The following MATR3 variants were observed in gnomAD, a reference collection of about 807,000 sequenced individuals.
The protein encoded by MATR3 is matrin 3.
A neutral mutation model predicts 85.5 loss-of-function variants in MATR3; 4 were observed. The observed-to-expected ratio is 0.05, with a 90% CI of 0.02 to 0.11. The LOEUF (loss-of-function observed/expected upper bound fraction) is 0.11. MATR3 is among the 10% of genes least tolerant of loss of function. MATR3 has a pLI of 1.00. For synonymous variants in MATR3, 336 were observed against 343.1 expected, an observed-to-expected ratio of 0.98 and a Z score of 0.23; for missense variants, 685 against 1,016.1, an observed-to-expected ratio of 0.67 and a Z score of 4.43.
chr5:139,275,652 C>T (rs1002220923), intron 1 of MATR3, among the ~76,000 whole-genome samples: 1 of 152,066 alleles, frequency 6.6e-6, no homozygotes, highest in Non-Finnish European at 1.5e-5. Flanking sequence ...TAGTAATATC[C>T]CCATTCAGCT....
chr5:139,316,044 A>G, intron 4 of MATR3, 32 bp from the exon 5 acceptor site: 1 of 1,463,776 alleles, frequency 6.8e-7, no homozygotes, highest in African/African-American at 1.4e-5. Flanking sequence ...CCTCTTTATT[A>G]TGATTTATAT....
chr5:139,302,413 TAAATG>T (rs1388758345), intron 1 of MATR3, among the ~76,000 whole-genome samples: 2 of 152,190 alleles, frequency 1.3e-5, no homozygotes, highest in Admixed American at 6.5e-5. Context: ...AAAAAACCCT[TAAATG>T]AAATAATTGT....
intron 1 of MATR3, among the ~76,000 whole-genome samples, chr5:139,306,856 T>G (rs1188036416): frequency 6.6e-6 from 1 of 152,182 alleles, no homozygotes. Flanking sequence ...TTGCTGACCT[T>G]GATTTTTTTG....
chr5:139,318,220 G>A (rs918577443), intron 7 of MATR3, among the ~76,000 whole-genome samples: 7 of 152,118 alleles, frequency 4.6e-5, no homozygotes, highest in East Asian at 1.9e-4. Flanking sequence ...TGCAACCTTC[G>A]CCTCCTGTGT....
intron 3 of MATR3, chr5:139,315,467 AT>A: frequency 2.1e-6 from 1 of 476,950 alleles, no homozygotes; most frequent in South Asian, 2.9e-5. Flanking sequence ...TAATTTCAAC[AT>A]TATCTGCATT....
intron 12 of MATR3, among the ~76,000 whole-genome samples, chr5:139,324,338 G>A (rs966869601): frequency 7.4e-6 from 1 of 134,950 alleles, no homozygotes. Context: ...CTGTTGCCCA[G>A]GCTGGAGTGC....
Position 139,314,677 on chromosome 5 carries a change from G to A in MATR3, c.915G>A (p.Glu305=). 1 of 1,613,646 alleles carries A rather than the reference G, an allele frequency of 6.2e-7. No homozygotes were observed. The highest frequency in any genetic ancestry group is 1.1e-5 in the South Asian group (1 of 91,076). The change falls in exon 3 of 15, where the codon GAG becomes GAA. Residue 305 remains glutamate, a splice_region_variant and synonymous_variant. Transcript: ENST00000394805. The part of the protein sequence containing the change: ...ICDLPVHSNK[E]WSQHINGASH... ...TCTACTAATTTACTTTGCTGCAGGA[G>A]TGGAGTCAACATATCAATGGAGCAA...
intron 3 of MATR3, chr5:139,283,297 T>C (rs1384201481): frequency 6.6e-6 from 1 of 152,216 alleles, no homozygotes; most frequent in African/African-American, 2.4e-5. Context: ...GTAGAACTTC[T>C]CCTTCTCAGT....
chr5:139,326,126 C>G, intron 13 of MATR3, 37 bp from the exon 14 acceptor site: 2 of 1,505,542 alleles, frequency 1.3e-6, no homozygotes, highest in South Asian at 2.3e-5. Context: ...ATAAAATCTT[C>G]AGTTTAATTT....
chr5:139,293,776 C>A lies in MATR3; in HGVS notation c.-207C>A. The A allele has an allele frequency of 2.5e-6, 1 of 394,070 alleles. No individual in the cohort carries two copies. Among genetic ancestry groups the A allele is most frequent in the East Asian group, 3.6e-5 (1 of 27,732 alleles). The allele number at this position is 394,070 out of a possible 1,614,324, so 24.4% of individuals were successfully genotyped here. A position where few individuals can be genotyped will look rare whatever the true frequency, so the allele number is the denominator to read the frequency against. On this transcript the variant is annotated 5_prime_UTR_variant, in exon 1 of 15. Coordinates refer to ENST00000394805, the MANE Select transcript of MATR3 (RefSeq NM_018834.6). ...CGTCCCGCTCGCTGGGAGAGAGGTACCTCTCCTTTTCCCTCTCCCTTTCCC... is the reference window on the plus strand; with the variant it reads ...CGTCCCGCTCGCTGGGAGAGAGGTAACTCTCCTTTTCCCTCTCCCTTTCCC...
chr5:139,277,789 G>T (rs1342265376), intron 2 of MATR3, among the ~76,000 whole-genome samples: 2 of 137,204 alleles, frequency 1.5e-5, no homozygotes, highest in Non-Finnish European at 3.1e-5. Context: ...TTAATTGACA[G>T]TAATTGTATA....
At chr5:139,294,416 C>T (rs560222996) in intron 1 of MATR3, 98 of 169,374 alleles carry the variant, frequency 5.8e-4, no homozygotes, top group African/African-American at 2.1e-3. Flanking sequence ...GGTGTCTCGG[C>T]CTTCACGCCG....
intron 2 of MATR3, chr5:139,278,317 T>C (rs1753376113): frequency 2.2e-6 from 1 of 453,998 alleles, no homozygotes. Context: ...TTGCTTGTCT[T>C]CCTTTTTAGG....
At chr5:139,277,297 C>T (rs1360957676) in intron 2 of MATR3, among the ~76,000 whole-genome samples, 4 of 152,020 alleles carry the variant, frequency 2.6e-5, no homozygotes, top group South Asian at 2.1e-4. Flanking sequence ...GCCACTGCAC[C>T]GTGCCTGGCC....
upstream of MATR3, among the ~76,000 whole-genome samples, chr5:139,291,079 C>A (rs1268024060): frequency 6.6e-6 from 1 of 152,076 alleles, no homozygotes; most frequent in African/African-American, 2.4e-5. Flanking sequence ...ATGGTCACAC[C>A]ACTGCACTCC....
chr5:139,285,525 C>T (rs137899648), intron 3 of MATR3, among the ~76,000 whole-genome samples: 3 of 152,154 alleles, frequency 2.0e-5, no homozygotes, highest in African/African-American at 7.2e-5. Flanking sequence ...GAGACAGAAT[C>T]TCGCTCTACT....
At chr5:139,315,791 T>C in intron 4 of MATR3, 53 bp downstream of exon 4, 1 of 1,388,476 alleles carries the variant, frequency 7.2e-7, no homozygotes, top group Non-Finnish European at 1.0e-6. Flanking sequence ...TGTAAGGAAT[T>C]CAGGTTTCAC....
rs145625269 is a variant in MATR3, at chr5:139,278,274, A to G, written c.-256-777A>G. ...ACACACACACACACAATGCATTGCTATTTATTATATTCTGTGTACTAGATC... is the reference window on the plus strand; with the variant it reads ...ACACACACACACACAATGCATTGCTGTTTATTATATTCTGTGTACTAGATC... On this transcript the variant is annotated intron_variant, in intron 2 of 16. Coordinates refer to ENST00000509990, the Ensembl canonical transcript of MATR3. 1,179 of 452,748 alleles carry G rather than the reference A, an allele frequency of 2.6e-3. 12 individuals are homozygous for G. The highest frequency in any genetic ancestry group is 0.021 in the African/African-American group (1,059 of 49,986). The allele number at this position is 452,748 out of a possible 1,614,324, so 28.0% of individuals were successfully genotyped here.
At chr5:139,306,354 ATCTCATTT>A (rs1366439951) in intron 1 of MATR3, among the ~76,000 whole-genome samples, 1 of 152,166 alleles carries the variant, frequency 6.6e-6, no homozygotes, top group Non-Finnish European at 1.5e-5. Flanking sequence ...TGTAACCAAG[ATCTCATTT>A]TCATTTTTAC....
Sources: allele counts gnomAD v4.1 joint callset (sites outside exome capture counted in the v4.1 genomes callset), GRCh38; gene constraint gnomAD v4.1.1; transcripts MANE v1.5; gene names NCBI Gene and HGNC (gene_info 2026-07-23, HGNC 2026-07-21).